The following ATP9A variants were observed in gnomAD, a reference collection of about 807,000 sequenced individuals.
ATP9A encodes ATPase phospholipid transporting 9A.
Under a neutral mutation model 144.1 loss-of-function variants are expected in ATP9A, and 52 were observed. The ratio of observed to expected loss-of-function variants is 0.36; its 90% confidence interval spans 0.29 to 0.45. The LOEUF is 0.45. ATP9A is among the 20% of genes least tolerant of loss of function. The pLI, the probability that ATP9A is intolerant of heterozygous loss-of-function variation, is 1.00. For synonymous variants in ATP9A, 582 were observed against 557.4 expected (o/e 1.04, Z -0.62); for missense variants, 947 against 1,392.7 (o/e 0.68, Z 5.09).
chr20:51,655,085 T>C (rs2077381694), intron 14 of ATP9A, among the ~76,000 whole-genome samples: 1 of 152,214 alleles, frequency 6.6e-6, no homozygotes, highest in African/African-American at 2.4e-5. Context: ...TGCTAAAAAT[T>C]AGGAATAACC....
intron 3 of ATP9A, among the ~76,000 whole-genome samples, chr20:51,720,346 G>A (rs913334905): frequency 2.6e-5 from 4 of 152,168 alleles, no homozygotes; most frequent in Non-Finnish European, 5.9e-5. Context: ...ACAGTAAACA[G>A]TTATGGAACT....
At chr20:51,712,919 C>A (rs1324951877) in intron 4 of ATP9A, 47 bp downstream of exon 4, 4 of 1,508,346 alleles carry the variant, frequency 2.7e-6, no homozygotes. Flanking sequence ...CTGTCAGCGG[C>A]CCGTGATTGA....
At position 51,657,018 on chromosome 20, in the gene ATP9A, T is replaced by G. The variant is rs1187294439; in HGVS notation, c.1426A>C (p.Asn476His). The G allele has an allele frequency of 3.1e-6, 5 of 1,614,114 alleles. No individual in the cohort carries two copies. Among genetic ancestry groups the G allele is most frequent in the Non-Finnish European group, 4.2e-6 (5 of 1,180,050 alleles). The change falls in exon 14 of 28, where the codon AAC becomes CAC. Residue 476 changes from asparagine (N) to histidine (H), a missense_variant. Physicochemically the swap from Asn to His is moderately conservative, Grantham distance 68 (BLOSUM62 1). Transcript: ENST00000338821. ...CHNVTPVYES[N>H]GVTDQAEAEK... ...GCCTCAGCCTGATCAGTCACACCGT[T>G]GGACTCATACACGGGAGTCACGTTG...
At chr20:51,642,374 C>G (rs2099731825) in intron 14 of ATP9A, among the ~76,000 whole-genome samples, 1 of 152,046 alleles carries the variant, frequency 6.6e-6, no homozygotes, top group South Asian at 2.1e-4. Context: ...AAATTGGTCT[C>G]AAACTCCTGA....
chr20:51,617,531 T>A lies in ATP9A; in HGVS notation c.2374A>T (p.Met792Leu), dbSNP rs140405187. 9 of 1,612,176 alleles carry A rather than the reference T, an allele frequency of 5.6e-6. No homozygotes were observed. Among genetic ancestry groups the A allele is most frequent in the Non-Finnish European group, 7.6e-6 (9 of 1,179,256 alleles). The change falls in exon 22 of 28, where the codon ATG becomes TTG. Residue 792 changes from methionine to leucine, a missense_variant. Physicochemically the swap from Met to Leu is conservative, Grantham distance 15. Transcript: ENST00000338821. ...ACGCCGCAGTCAGATTCCTGAATCA[T>A]GCTGACGTCATTGCCTCCGTCCCCT... ...AVGDGGNDVS[M>L]IQESDCGVGV...
chr20:51,759,156 G>T (rs1415159735), intron 1 of ATP9A, among the ~76,000 whole-genome samples: 1 of 152,240 alleles, frequency 6.6e-6, no homozygotes, highest in African/African-American at 2.4e-5. Flanking sequence ...AGGACAGAGA[G>T]CACAGCCCCA....
At chr20:51,638,047 A>C (rs2077300281) in intron 15 of ATP9A, among the ~76,000 whole-genome samples, 1 of 127,048 alleles carries the variant, frequency 7.9e-6, no homozygotes, top group Non-Finnish European at 1.6e-5. Context: ...ATTCCTTTCC[A>C]TGGCTAAGTA....
rs1439890092 is a variant in ATP9A, at chr20:51,757,513, G to A, written c.68+10789C>T. Among the ~76,000 whole-genome samples, 8 of 152,156 alleles carry A rather than the reference G, an allele frequency of 5.3e-5. 1 individual carries two copies. Among genetic ancestry groups the A allele is most frequent in the Non-Finnish European group, 1.2e-4 (8 of 68,038 alleles). ...GGGCGAAGGAAGAGCATCCGGCCCAGTCCACCTTTCCAATTCTCACCAGAA... is the reference window on the plus strand; with the variant it reads ...GGGCGAAGGAAGAGCATCCGGCCCAATCCACCTTTCCAATTCTCACCAGAA... On this transcript the variant is annotated intron_variant, in intron 1 of 27. Coordinates refer to ENST00000338821, the MANE Select transcript of ATP9A (RefSeq NM_006045.3).
At chr20:51,718,333 T>C (rs539382520) in intron 3 of ATP9A, among the ~76,000 whole-genome samples, 3 of 149,346 alleles carry the variant, frequency 2.0e-5, no homozygotes, top group African/African-American at 4.9e-5. Context: ...TATTTTAGGG[T>C]AGTAGCTACA....
intron 1 of ATP9A, among the ~76,000 whole-genome samples, chr20:51,739,656 A>C (rs2077776922): frequency 6.6e-6 from 1 of 152,102 alleles, no homozygotes; most frequent in Non-Finnish European, 1.5e-5. Flanking sequence ...CCAGGGGTTT[A>C]GCTGAGCCCA....
chr20:51,743,444 G>C (rs1383286376), intron 1 of ATP9A, among the ~76,000 whole-genome samples: 2 of 121,212 alleles, frequency 1.7e-5, no homozygotes, highest in African/African-American at 6.7e-5. Flanking sequence ...CTGTCACCCA[G>C]GCTGGAGTGC....
chr20:51,661,669 C>G (rs6013242), intron 13 of ATP9A, among the ~76,000 whole-genome samples: 1 of 151,548 alleles, frequency 6.6e-6, no homozygotes, highest in African/African-American at 2.4e-5. Flanking sequence ...CTGCACCCAG[C>G]CAGAAATACA....
chr20:51,714,769 C>G (rs1367583991), intron 3 of ATP9A, among the ~76,000 whole-genome samples: 1 of 152,244 alleles, frequency 6.6e-6, no homozygotes, highest in Non-Finnish European at 1.5e-5. Flanking sequence ...CAGGCATGGG[C>G]CACTGCGCCC....
intron 1 of ATP9A, among the ~76,000 whole-genome samples, chr20:51,759,180 A>C (rs2077868778): frequency 6.6e-6 from 1 of 152,204 alleles, no homozygotes; most frequent in Non-Finnish European, 1.5e-5. Flanking sequence ...GCCGCTGCCA[A>C]GCTCCACTGT....
At chr20:51,660,581 C>G (rs1465370816) in intron 13 of ATP9A, among the ~76,000 whole-genome samples, 1 of 152,238 alleles carries the variant, frequency 6.6e-6, no homozygotes, top group East Asian at 1.9e-4. Flanking sequence ...TCCCACCTTT[C>G]CTACTAAAAT....
At chr20:51,678,909 C>G (rs6126294) in intron 9 of ATP9A, among the ~76,000 whole-genome samples, 32 of 152,350 alleles carry the variant, frequency 2.1e-4, no homozygotes, top group Non-Finnish European at 4.1e-4. Flanking sequence ...CAGCCTCATC[C>G]TCAGTGAGAC....
In ATP9A at chr20:51,616,352, T is replaced by G. The variant is rs758839137; in HGVS notation, c.2415+1138A>C. Among the ~76,000 whole-genome samples the G allele has an allele frequency of 5.7e-3, 447 of 77,854 alleles. 1 individual carries two copies. Among genetic ancestry groups the G allele is most frequent in the Non-Finnish European group, 0.011 (351 of 31,138 alleles). 51.1% of individuals were successfully genotyped at this position (77,854 alleles called of 152,430 possible). ...CTTTTTTTTTGAGATGGAGTTTTGC[T>G]CTTTCACCTAGGCAAGAGTACAGTG... On this transcript the variant is annotated intron_variant, in intron 22 of 27. Coordinates refer to ENST00000338821, the MANE Select transcript of ATP9A (RefSeq NM_006045.3).
chr20:51,702,267 G>A (rs1482516842), intron 4 of ATP9A, among the ~76,000 whole-genome samples: 4 of 148,892 alleles, frequency 2.7e-5, no homozygotes, highest in Non-Finnish European at 5.9e-5. Context: ...GCCACAGCCC[G>A]GGTGACAGTG....
chr20:51,642,764 A>T (rs1038266322), intron 14 of ATP9A, among the ~76,000 whole-genome samples: 1 of 138,364 alleles, frequency 7.2e-6, no homozygotes, highest in Non-Finnish European at 1.5e-5. Context: ...AAAAAAAAAA[A>T]CCTGGCGTTC....
Sources: allele counts gnomAD v4.1 joint callset (sites outside exome capture counted in the v4.1 genomes callset), GRCh38; gene constraint gnomAD v4.1.1; transcripts MANE v1.5; gene names NCBI Gene and HGNC (gene_info 2026-07-23, HGNC 2026-07-21).